TLN2: variants seen among roughly 807,000 people sequenced by gnomAD.
TLN2 encodes talin-2.
TLN2 carries 118 observed loss-of-function variants against 294.7 expected under a neutral mutation model. That is an observed-to-expected ratio of 0.40 (90% CI 0.34 to 0.47). The LOEUF (loss-of-function observed/expected upper bound fraction) is 0.47, where lower values mean the gene tolerates loss of function less well. TLN2 is among the 20% of genes least tolerant of loss of function. The pLI is 0.84. For missense variants in TLN2, 3,083 were observed against 3,282.2 expected, an observed-to-expected ratio of 0.94 and a Z score of 1.48; for synonymous variants, 1,431 against 1,304.5, an observed-to-expected ratio of 1.10 and a Z score of -2.09.
chr15:62,810,332 G>A (rs1228640095), intron 52 of TLN2, among the ~76,000 whole-genome samples: 7 of 152,170 alleles, frequency 4.6e-5, no homozygotes, highest in African/African-American at 1.4e-4. Context: ...AAAGTGGGCG[G>A]GCGGCCAGTG....
At position 62,708,786 on chromosome 15, in the gene TLN2, G is replaced by A. The variant is rs1555482930; in HGVS notation, c.2457G>A (p.Met819Ile). ...MCVTESIFSS[M>I]GDAGEMVRQA... Reference sequence around the variant, plus strand: ...TCACCGAGAGCATCTTCAGCTCCATGGGTGACGCTGGTAAGGCACTGTGCT... The same window carrying A: ...TCACCGAGAGCATCTTCAGCTCCATAGGTGACGCTGGTAAGGCACTGTGCT... The change falls in exon 21 of 59, where the codon ATG becomes ATA. Residue 819 changes from methionine to isoleucine, a missense_variant. Met to Ile is a conservative substitution (Grantham distance 10). Transcript: ENST00000636159. 7 of 1,602,278 alleles carry A rather than the reference G, an allele frequency of 4.4e-6. No individual in the cohort carries two copies. Among genetic ancestry groups the A allele is most frequent in the Non-Finnish European group, 5.1e-6 (6 of 1,179,236 alleles).
rs930913873 is a variant in TLN2, at chr15:62,802,035, C to T, written c.6477+1266C>T. Among the ~76,000 whole-genome samples, 5 of 152,160 alleles carry T rather than the reference C, an allele frequency of 3.3e-5. No individual in the cohort carries two copies. The East Asian group carries it at 7.7e-4, about 23-fold the overall frequency. On this transcript the variant is annotated intron_variant, in intron 50 of 58. Transcript: ENST00000636159. ...TTACTGTAGTTACCCACTGTGCTAT[C>T]AAATACTAGGTCTTATTCATTCTTT...
chr15:62,660,291 C>G (rs560136732), intron 9 of TLN2, among the ~76,000 whole-genome samples: 4 of 152,114 alleles, frequency 2.6e-5, no homozygotes, highest in Non-Finnish European at 5.9e-5. Flanking sequence ...GGATTTGTTA[C>G]TTTAGTGAAG....
chr15:62,524,515 T>C (rs2040632252), intron 1 of TLN2, among the ~76,000 whole-genome samples: 1 of 152,196 alleles, frequency 6.6e-6, no homozygotes, highest in East Asian at 1.9e-4. Context: ...AAGCCAGTCG[T>C]TTCTCCTTTC....
chr15:62,411,005 G>A (rs1045743420), intron 1 of TLN2, among the ~76,000 whole-genome samples: 3 of 152,198 alleles, frequency 2.0e-5, no homozygotes, highest in African/African-American at 7.2e-5. Context: ...TATTCTTGTA[G>A]AAGAGCCCTG....
intron 46 of TLN2, 22 bp downstream of exon 46, chr15:62,792,809 A>G (rs1454606732): frequency 6.2e-7 from 1 of 1,613,070 alleles, no homozygotes; most frequent in South Asian, 1.1e-5. Context: ...CCCTCAGTTT[A>G]GAGTCACAAG....
At chr15:62,788,524 CCT>C (rs773863594) in intron 45 of TLN2, among the ~76,000 whole-genome samples, 40 of 152,136 alleles carry the variant, frequency 2.6e-4, no homozygotes, top group Non-Finnish European at 5.1e-4. Flanking sequence ...TCTTGTTTCT[CCT>C]CACAACTGCA....
chr15:62,606,568 T>A (rs888493906), intron 2 of TLN2, among the ~76,000 whole-genome samples: 2 of 152,174 alleles, frequency 1.3e-5, no homozygotes, highest in Non-Finnish European at 2.9e-5. Context: ...TTACTGAAGC[T>A]TTTATTGTGC....
intron 3 of TLN2, among the ~76,000 whole-genome samples, chr15:62,619,831 C>G (rs911822981): frequency 6.6e-5 from 10 of 152,176 alleles, no homozygotes; most frequent in African/African-American, 9.7e-5. Flanking sequence ...TACGAGAGAA[C>G]AAATTCCTAT....
chr15:62,775,782 C>T (rs911516600), intron 42 of TLN2, among the ~76,000 whole-genome samples: 4 of 152,246 alleles, frequency 2.6e-5, no homozygotes, highest in East Asian at 1.9e-4. Context: ...GCCGTAGCCA[C>T]GGCATGGGTA....
At chr15:62,797,562 C>T (rs978296290) in intron 48 of TLN2, among the ~76,000 whole-genome samples, 160 bp downstream of exon 48, 3 of 152,154 alleles carry the variant, frequency 2.0e-5, no homozygotes, top group Non-Finnish European at 2.9e-5. Flanking sequence ...GTCATCCAAG[C>T]GAGATAGTGG....
At chr15:62,594,492 C>G (rs1057349202) in intron 2 of TLN2, among the ~76,000 whole-genome samples, 1 of 152,176 alleles carries the variant, frequency 6.6e-6, no homozygotes, top group Non-Finnish European at 1.5e-5. Flanking sequence ...ACAGACGTAG[C>G]CACCATGCCC....
chr15:62,698,158 C>T (rs528027897), intron 15 of TLN2, among the ~76,000 whole-genome samples: 8 of 152,212 alleles, frequency 5.3e-5, no homozygotes, highest in East Asian at 1.9e-4. Context: ...GGCCAGATAC[C>T]CCTAGGAAAG....
In TLN2 at chr15:62,814,711, A is replaced by C. The variant is rs76057192; in HGVS notation, c.6771+4679A>C. On this transcript the variant is annotated intron_variant, in intron 52 of 58. Transcript: ENST00000636159. ...ATTATCATAAACATATAAAAAATAC[A>C]AGTTCCTGGTGAAAAATTATAGAAA... Among the ~76,000 whole-genome samples, 958 of 152,384 alleles carry C rather than the reference A, an allele frequency of 6.3e-3. 7 individuals are homozygous for C. Among genetic ancestry groups the C allele is most frequent in the African/African-American group, 0.022 (929 of 41,588 alleles).
chr15:62,574,538 C>G (rs147605476), intron 1 of TLN2, among the ~76,000 whole-genome samples: 4 of 123,206 alleles, frequency 3.2e-5, no homozygotes, highest in Non-Finnish European at 6.3e-5. Context: ...CTATATCGCA[C>G]CACTGAACTC....
At chr15:62,538,117 A>G (rs1246394960) in intron 1 of TLN2, among the ~76,000 whole-genome samples, 1 of 152,078 alleles carries the variant, frequency 6.6e-6, no homozygotes, top group Non-Finnish European at 1.5e-5. Flanking sequence ...AGCTACTCAG[A>G]GGCTGAGGTG....
chr15:62,616,910 T>A (rs548666434), intron 2 of TLN2, among the ~76,000 whole-genome samples: 3 of 152,348 alleles, frequency 2.0e-5, no homozygotes, highest in Non-Finnish European at 4.4e-5. Context: ...AGATTACATG[T>A]TCCTGCCTGT....
intron 9 of TLN2, among the ~76,000 whole-genome samples, chr15:62,663,510 T>C (rs755159829): frequency 6.6e-6 from 1 of 151,832 alleles, no homozygotes; most frequent in Non-Finnish European, 1.5e-5. Context: ...GTGATAGGAT[T>C]ATCTACATAG....
intron 1 of TLN2, among the ~76,000 whole-genome samples, chr15:62,447,595 G>A (rs184662259): frequency 1.3e-4 from 20 of 150,880 alleles, no homozygotes; most frequent in African/African-American, 4.6e-4. Context: ...CTGGGTTCAC[G>A]CCATTCTCCT....
Sources: gnomAD v4.1 joint callset for allele counts (sites outside exome capture counted in the v4.1 genomes callset) on GRCh38, gnomAD v4.1.1 for gene constraint, MANE v1.5 for transcripts, NCBI Gene and HGNC (gene_info 2026-07-23, HGNC 2026-07-21) for gene names.